DLGAP2: variants seen among roughly 807,000 people sequenced by gnomAD.
DLGAP2 encodes the protein disks large-associated protein 2.
In DLGAP2, 26 loss-of-function variants were observed where a neutral mutation model predicts 100.3. The observed-to-expected ratio is 0.26, with a 90% CI of 0.19 to 0.36. DLGAP2 has a LOEUF of 0.36. Among genes scored for constraint, DLGAP2 ranks in the 10% least tolerant of loss-of-function variants. The pLI, the probability that DLGAP2 is intolerant of heterozygous loss-of-function variation, is 1.00. For synonymous variants in DLGAP2, 886 were observed against 630.1 expected (o/e 1.41, Z -6.08); for missense variants, 1,858 against 1,453.2 (o/e 1.28, Z -4.53).
chr8:1,134,892 C>G (rs879811560), intron 2 of DLGAP2, among the ~76,000 whole-genome samples: 1 of 152,272 alleles, frequency 6.6e-6, no homozygotes, highest in Non-Finnish European at 1.5e-5. Flanking sequence ...TGATCCAATC[C>G]CCTCCCGCCA....
intron 3 of DLGAP2, among the ~76,000 whole-genome samples, chr8:1,429,654 T>G (rs1369620969): frequency 1.3e-5 from 2 of 151,654 alleles, no homozygotes; most frequent in Non-Finnish European, 2.9e-5. Context: ...CACTGCCCGG[T>G]GTCAGCACAG....
At chr8:1,088,441 A>G (rs138937264) in intron 2 of DLGAP2, among the ~76,000 whole-genome samples, 3 of 152,220 alleles carry the variant, frequency 2.0e-5, no homozygotes, top group African/African-American at 7.2e-5. Flanking sequence ...ATGGCAGTTG[A>G]CCAGTAACAC....
At chr8:760,638 A>T (rs529699189) in intron 1 of DLGAP2, among the ~76,000 whole-genome samples, 1 of 152,250 alleles carries the variant, frequency 6.6e-6, no homozygotes, top group South Asian at 2.1e-4. Context: ...CCTTTGCTGA[A>T]ACTGACTCCT....
At chr8:1,184,985 G>C (rs1245274917) in intron 2 of DLGAP2, among the ~76,000 whole-genome samples, 1 of 152,140 alleles carries the variant, frequency 6.6e-6, no homozygotes, top group Non-Finnish European at 1.5e-5. Context: ...TCAGACTTTA[G>C]AGCAGGAGTG....
At position 1,392,311 on chromosome 8, in the gene DLGAP2, C is replaced by T. The variant is rs150680176; in HGVS notation, c.107-109055C>T. On this transcript the variant is annotated intron_variant, in intron 3 of 14. Transcript: ENST00000637795. ...TCCAGATCCTGGGTTGAGGCGCCAT[C>T]TGGATCCAGGGTCGAGGTGCAGGGT... Among the ~76,000 whole-genome samples the T allele has an allele frequency of 2.0e-5, 3 of 152,250 alleles. No individual in the cohort carries two copies. The East Asian group carries it at 5.8e-4, about 30-fold the overall frequency.
chr8:1,031,857 T>C (rs1801983101), intron 2 of DLGAP2, among the ~76,000 whole-genome samples: 1 of 152,246 alleles, frequency 6.6e-6, no homozygotes, highest in Admixed American at 6.5e-5. Flanking sequence ...CTGTTTATGT[T>C]AGAAATGAAT....
At chr8:822,155 C>T (rs1160290451) in intron 1 of DLGAP2, 1 of 399,720 alleles carries the variant, frequency 2.5e-6, no homozygotes, top group Non-Finnish European at 4.4e-6. Flanking sequence ...TGCTAACCCT[C>T]TGCCTGCGCC....
At position 1,172,775 on chromosome 8, in the gene DLGAP2, A is replaced by G. The variant is rs1460326370; in HGVS notation, c.74-86076A>G. 3.3e-5 allele frequency among the ~76,000 whole-genome samples: 5 copies of G among 152,168 alleles called. No homozygotes were observed. The East Asian group carries it at 9.7e-4, about 29-fold the overall frequency. On this transcript the variant is annotated intron_variant, in intron 2 of 14. Coordinates refer to ENST00000637795, the MANE Select transcript of DLGAP2 (RefSeq NM_001346810.2). ...CTTCTCTGTATTGGTTATTCTAGTT[A>G]TACATTCTTCTAAATTTTTTTCAAA...
chr8:1,194,195 G>C (rs1797701731), intron 2 of DLGAP2, among the ~76,000 whole-genome samples: 1 of 152,088 alleles, frequency 6.6e-6, no homozygotes, highest in Non-Finnish European at 1.5e-5. Flanking sequence ...CCGCCTGTGG[G>C]AGGCCACGCC....
intron 4 of DLGAP2, among the ~76,000 whole-genome samples, chr8:1,548,277 T>A (rs1462524984): frequency 1.3e-5 from 2 of 151,700 alleles, no homozygotes; most frequent in African/African-American, 2.4e-5. Context: ...CTGACCAACA[T>A]GGCGAAACCT....
chr8:1,475,119 A>C (rs190620509), intron 3 of DLGAP2, among the ~76,000 whole-genome samples: 41 of 152,322 alleles, frequency 2.7e-4, no homozygotes, highest in African/African-American at 9.1e-4. Flanking sequence ...TAAGTGAATC[A>C]ACACAAATAC....
intron 2 of DLGAP2, among the ~76,000 whole-genome samples, chr8:1,076,274 A>C (rs890114631): frequency 6.6e-6 from 1 of 152,102 alleles, no homozygotes; most frequent in Admixed American, 6.6e-5. Context: ...GGTGGTTGGG[A>C]ATGGCATGAG....
chr8:1,292,153 C>T (rs1018317484), intron 3 of DLGAP2, among the ~76,000 whole-genome samples: 1 of 152,326 alleles, frequency 6.6e-6, no homozygotes, highest in East Asian at 1.9e-4. Context: ...CCTCCAGAAT[C>T]GCTGGCTTTG....
chr8:1,342,134 G>A (rs1330729871), intron 3 of DLGAP2, among the ~76,000 whole-genome samples: 1 of 151,894 alleles, frequency 6.6e-6, no homozygotes, highest in Non-Finnish European at 1.5e-5. Context: ...TGTACAGATG[G>A]GGTTTTACCA....
chr8:1,579,312 T>G (rs1648078592), intron 6 of DLGAP2, among the ~76,000 whole-genome samples: 1 of 152,176 alleles, frequency 6.6e-6, no homozygotes, highest in African/African-American at 2.4e-5. Context: ...ATCGTATATA[T>G]ACACACACAT....
At chr8:1,114,336 T>C (rs901793725) in intron 2 of DLGAP2, among the ~76,000 whole-genome samples, 3 of 152,178 alleles carry the variant, frequency 2.0e-5, no homozygotes, top group Admixed American at 6.5e-5. Flanking sequence ...CTGGGCTTTT[T>C]TTTGGTTGAT....
intron 2 of DLGAP2, among the ~76,000 whole-genome samples, chr8:1,056,824 T>A (rs937556459): frequency 5.9e-5 from 9 of 152,234 alleles, no homozygotes. Flanking sequence ...CTGCAATGAG[T>A]ACATGCAACT....
chr8:786,579 C>T (rs921309578), intron 1 of DLGAP2, among the ~76,000 whole-genome samples: 3 of 152,156 alleles, frequency 2.0e-5, no homozygotes, highest in South Asian at 2.1e-4. Context: ...GAGCGCACTA[C>T]GCACAGTTCC....
intron 10 of DLGAP2, among the ~76,000 whole-genome samples, chr8:1,674,884 G>A (rs1010058653): frequency 6.6e-6 from 1 of 152,206 alleles, no homozygotes; most frequent in Non-Finnish European, 1.5e-5. Flanking sequence ...TACAGACATG[G>A]AATTTTAAAT....
Sources: allele counts gnomAD v4.1 joint callset (sites outside exome capture counted in the v4.1 genomes callset), GRCh38; gene constraint gnomAD v4.1.1; transcripts MANE v1.5; gene names NCBI Gene and HGNC (gene_info 2026-07-23, HGNC 2026-07-21).